AGO2: variants seen among roughly 807,000 people sequenced by gnomAD.
AGO2 encodes the protein protein argonaute-2.
In AGO2, 5 loss-of-function variants were observed where a neutral mutation model predicts 102.3. The ratio of observed to expected loss-of-function variants is 0.05; its 90% CI spans 0.03 to 0.10. AGO2 has a LOEUF of 0.10. Among genes scored for constraint, AGO2 ranks in the 10% least tolerant of loss-of-function variants. The pLI is 1.00. For missense variants in AGO2, 541 were observed against 1,183.7 expected, an observed-to-expected ratio of 0.46 and a Z score of 7.97; for synonymous variants, 449 against 473.1, an observed-to-expected ratio of 0.95 and a Z score of 0.66.
chr8:140,542,877 G>A (rs564641517), intron 14 of AGO2, among the ~76,000 whole-genome samples: 1 of 152,272 alleles, frequency 6.6e-6, no homozygotes, highest in Non-Finnish European at 1.5e-5. Context: ...AGTGGCTCAC[G>A]CCTGTCATCC....
chr8:140,600,619 G>A (rs2073919266), intron 1 of AGO2, among the ~76,000 whole-genome samples: 1 of 151,790 alleles, frequency 6.6e-6, no homozygotes, highest in Non-Finnish European at 1.5e-5. Flanking sequence ...GGCAGTGGTT[G>A]CAGTGAGCCG....
intron 1 of AGO2, 34 bp from the exon 2 acceptor site, chr8:140,585,345 G>A (rs765287918): frequency 3.7e-6 from 6 of 1,604,200 alleles, no homozygotes; most frequent in Non-Finnish European, 5.1e-6. Context: ...ATTAACGGGG[G>A]AGCAGGCTTG....
At chr8:140,621,761 T>A (rs2074219750) in intron 1 of AGO2, among the ~76,000 whole-genome samples, 2 of 152,186 alleles carry the variant, frequency 1.3e-5, no homozygotes, top group Non-Finnish European at 2.9e-5. Context: ...TTAGTATGGT[T>A]CACTTTCTAA....
intron 3 of AGO2, among the ~76,000 whole-genome samples, chr8:140,564,043 C>T (rs903901798): frequency 2.6e-4 from 39 of 152,092 alleles, no homozygotes; most frequent in Admixed American, 2.0e-3. Flanking sequence ...CTGTTGTGCC[C>T]GATGGCCCCA....
chr8:140,586,979 C>A (rs2073669409), intron 1 of AGO2, among the ~76,000 whole-genome samples: 1 of 152,202 alleles, frequency 6.6e-6, no homozygotes. Flanking sequence ...CACAAAGGGG[C>A]ACACCGCTGG....
chr8:140,543,942 AG>A (rs1354076542), intron 14 of AGO2, among the ~76,000 whole-genome samples: 2 of 152,176 alleles, frequency 1.3e-5, no homozygotes, highest in East Asian at 3.9e-4. Context: ...GCCATGTGCA[AG>A]GGGGCCTCCT....
chr8:140,587,367 T>G (rs745459582), intron 1 of AGO2, among the ~76,000 whole-genome samples: 1 of 152,212 alleles, frequency 6.6e-6, no homozygotes, highest in African/African-American at 2.4e-5. Flanking sequence ...AATTACAAGT[T>G]AAAGATGTAA....
At position 140,532,624 on chromosome 8, in the gene AGO2, G is replaced by C; in HGVS notation, c.2272-9C>G. The C allele has an allele frequency of 6.2e-7, 1 of 1,613,738 alleles. No individual in the cohort carries two copies. Among genetic ancestry groups the C allele is most frequent in the East Asian group, 2.2e-5 (1 of 44,888 alleles). ...GAAGGCCTGCTTGTCCCCTAAAGCA[G>C]ATCAGAAGATTAGACAGTTGGACTC... On this transcript the variant is annotated splice_polypyrimidine_tract_variant and intron_variant, in intron 17 of 18. Coordinates refer to ENST00000220592, the MANE Select transcript of AGO2 (RefSeq NM_012154.5).
At chr8:140,611,000 C>T (rs913165677) in intron 1 of AGO2, among the ~76,000 whole-genome samples, 2 of 152,216 alleles carry the variant, frequency 1.3e-5, no homozygotes, top group Non-Finnish European at 2.9e-5. Context: ...TAGACACGCG[C>T]GCATGCAGAT....
At position 140,560,484 on chromosome 8, in the gene AGO2, A is replaced by T; in HGVS notation, c.545T>A (p.Phe182Tyr). The part of the protein sequence containing the change: ...MRYTPVGRSF[F>Y]TASEGCSNPL... Reference sequence around the variant, plus strand: ...GTTAGAGCAGCCTTCGGACGCGGTGAAGAAGGAGCGGCCCACGGGGGTGTA... The same window carrying T: ...GTTAGAGCAGCCTTCGGACGCGGTGTAGAAGGAGCGGCCCACGGGGGTGTA... Residue 182 changes from phenylalanine (F) to tyrosine (Y), a missense_variant, in exon 5 of 19, where the codon TTC (phenylalanine) becomes TAC (tyrosine). By Grantham distance (22) the Phe-to-Tyr change is conservative. Around this residue, in one of 6 missense-constraint regions of AGO2, gnomAD observed 26 missense variants for 52.0 expected, o/e 0.50. Coordinates refer to ENST00000220592, the MANE Select transcript of AGO2 (RefSeq NM_012154.5). The T allele has an allele frequency of 6.2e-7, 1 of 1,614,124 alleles. No individual in the cohort carries two copies. Among genetic ancestry groups the T allele is most frequent in the Non-Finnish European group, 8.5e-7 (1 of 1,180,004 alleles).
chr8:140,585,570 G>A (rs1008844218), intron 1 of AGO2, among the ~76,000 whole-genome samples: 2 of 152,166 alleles, frequency 1.3e-5, no homozygotes, highest in African/African-American at 4.8e-5. Context: ...GAGAGATGAG[G>A]CAGCATGAAT....
At position 140,562,605 on chromosome 8, in the gene AGO2, T is replaced by G; in HGVS notation, c.366A>C (p.Glu122Asp). 6.2e-7 allele frequency: 1 copy of G among 1,613,824 alleles called. No individual in the cohort carries two copies. Among genetic ancestry groups the G allele is most frequent in the Non-Finnish European group, 8.5e-7 (1 of 1,179,902 alleles). ...KVELEVTLPG[E>D]GKDRIFKVSI... ...ACACCTTGAAGATGCGATCCTTGCC[T>G]TCTCCTGGCAGCGTGACCTCCAGCT... The change falls in exon 4 of 19, where the codon GAA becomes GAC. Residue 122 changes from glutamate (E) to aspartate (D), a missense_variant. Physicochemically the swap from Glu to Asp is conservative, Grantham distance 45. This residue lies in a region of AGO2 where 147 missense variants were observed against 204.1 expected (regional missense o/e 0.72). Coordinates refer to ENST00000220592, the MANE Select transcript of AGO2 (RefSeq NM_012154.5).
chr8:140,611,213 G>C (rs1408306655), intron 1 of AGO2, among the ~76,000 whole-genome samples: 3 of 152,212 alleles, frequency 2.0e-5, no homozygotes, highest in African/African-American at 7.2e-5. Context: ...ACCCTCAGAC[G>C]CTGGACTCAC....
intron 1 of AGO2, among the ~76,000 whole-genome samples, chr8:140,631,683 C>T (rs1401184805): frequency 6.6e-6 from 1 of 152,140 alleles, no homozygotes; most frequent in Non-Finnish European, 1.5e-5. Context: ...CCAAAGCACC[C>T]AACTGGAAAC....
intron 1 of AGO2, among the ~76,000 whole-genome samples, chr8:140,610,996 C>T (rs776671570): frequency 4.6e-5 from 7 of 152,212 alleles, no homozygotes; most frequent in East Asian, 3.8e-4. Context: ...TAAGTAGACA[C>T]GCGCGCATGC....
At chr8:140,609,018 C>T (rs998864557) in intron 1 of AGO2, among the ~76,000 whole-genome samples, 2 of 152,174 alleles carry the variant, frequency 1.3e-5, no homozygotes, top group Non-Finnish European at 2.9e-5. Flanking sequence ...CATGGGACCC[C>T]GAAAAATGTC....
At position 140,539,176 on chromosome 8, in the gene AGO2, C is replaced by G. The variant is rs934012804; in HGVS notation, c.2169+144G>C. Reference sequence around the variant, plus strand: ...CCTTCTCTAGTGTCTAAACCTGGGTCCCCATGAAGCCCCTTAGAGGACAGA... The same window carrying G: ...CCTTCTCTAGTGTCTAAACCTGGGTGCCCATGAAGCCCCTTAGAGGACAGA... On this transcript the variant is annotated intron_variant, in intron 16 of 18. Transcript: ENST00000220592. The surrounding 1 kb of genome is among the most constrained non-coding windows in gnomAD (Gnocchi z 4.7). 57 of 1,162,286 alleles carry G rather than the reference C, an allele frequency of 4.9e-5. No homozygotes were observed. The highest frequency in any genetic ancestry group is 6.0e-4 in the Middle Eastern group (2 of 3,348). 72.0% of individuals were successfully genotyped at this position (1,162,286 alleles called of 1,614,324 possible).
intron 2 of AGO2, among the ~76,000 whole-genome samples, chr8:140,580,666 G>A (rs539126450): frequency 2.0e-5 from 3 of 152,376 alleles, no homozygotes; most frequent in African/African-American, 4.8e-5. Flanking sequence ...GTGTGAGCGG[G>A]GGGTCTCAGG....
the AGO2 span, among the ~76,000 whole-genome samples, chr8:140,642,192 C>T: frequency 0.014 from 2,171 of 152,254 alleles, 26 homozygotes; most frequent in Non-Finnish European, 0.018. Context: ...AGCATACTCA[C>T]GGATTGGGAC....
Sources: gnomAD v4.1 joint callset for allele counts (sites outside exome capture counted in the v4.1 genomes callset) on GRCh38, gnomAD v4.1.1 for gene constraint, gnomAD v4.1.1 regional missense constraint, Gnocchi (gnomAD v3.1) non-coding constraint, MANE v1.5 for transcripts, NCBI Gene and HGNC (gene_info 2026-07-23, HGNC 2026-07-21) for gene names.